RGS7BP: variants seen among roughly 807,000 people sequenced by gnomAD.
RGS7BP encodes the protein regulator of G protein signaling 7 binding protein, also known as regulator of G protein signaling 7-binding protein.
RGS7BP carries 9 observed loss-of-function variants against 31.3 expected under a neutral mutation model. The ratio of observed to expected loss-of-function variants is 0.29; its 90% CI spans 0.17 to 0.50. RGS7BP has a LOEUF of 0.50. Among genes scored for constraint, RGS7BP ranks in the 20% least tolerant of loss-of-function variants. RGS7BP has a pLI of 0.98. For missense variants in RGS7BP, 274 were observed against 322.0 expected, an observed-to-expected ratio of 0.85 and a Z score of 1.14; for synonymous variants, 115 against 120.1, an observed-to-expected ratio of 0.96 and a Z score of 0.28.
At chr5:64,589,149 T>A (rs1026477439) in intron 3 of RGS7BP, among the ~76,000 whole-genome samples, 4 of 151,680 alleles carry the variant, frequency 2.6e-5, no homozygotes, top group African/African-American at 9.7e-5. Context: ...ACAAAAAAAA[T>A]TCCGGGCATG....
chr5:64,590,243 A>C (rs1742876504), intron 3 of RGS7BP, among the ~76,000 whole-genome samples: 4 of 152,106 alleles, frequency 2.6e-5, no homozygotes, highest in African/African-American at 9.7e-5. Flanking sequence ...AGGGAGAGAG[A>C]GAGAGAGAGA....
chr5:64,516,445 C>T (rs527737913), intron 2 of RGS7BP, among the ~76,000 whole-genome samples: 4 of 152,276 alleles, frequency 2.6e-5, no homozygotes, highest in South Asian at 2.1e-4. Context: ...TGTTGTAGTA[C>T]GTCCTAATCG....
intron 3 of RGS7BP, among the ~76,000 whole-genome samples, chr5:64,579,318 G>A (rs1316865489): frequency 1.3e-5 from 2 of 152,026 alleles, no homozygotes; most frequent in Non-Finnish European, 2.9e-5. Context: ...GGCTGAGGTG[G>A]GCGGATCACG....
intron 2 of RGS7BP, among the ~76,000 whole-genome samples, chr5:64,559,731 C>T (rs1470431901): frequency 6.6e-6 from 1 of 152,008 alleles, no homozygotes; most frequent in Non-Finnish European, 1.5e-5. Flanking sequence ...ACAAGCTTTA[C>T]CGATGCAGTA....
intron 5 of RGS7BP, among the ~76,000 whole-genome samples, chr5:64,605,695 A>T (rs1055562694): frequency 2.6e-5 from 4 of 152,000 alleles, no homozygotes; most frequent in South Asian, 4.2e-4. Flanking sequence ...AGCTCTAAGC[A>T]AGGCAAAGGT....
At chr5:64,552,128 A>G (rs1465438915) in intron 2 of RGS7BP, among the ~76,000 whole-genome samples, 1 of 152,196 alleles carries the variant, frequency 6.6e-6, no homozygotes, top group Non-Finnish European at 1.5e-5. Context: ...TTTAAAGTGT[A>G]TTCAACACTC....
intron 2 of RGS7BP, among the ~76,000 whole-genome samples, chr5:64,519,800 T>C (rs1440303139): frequency 6.6e-6 from 1 of 152,208 alleles, no homozygotes; most frequent in African/African-American, 2.4e-5. Context: ...GATACTGTTT[T>C]TAAAGGCTGG....
rs1749090861 is a variant in RGS7BP at position 64,520,877 on chromosome 5, A to G, written c.332+13000A>G. 2.0e-5 allele frequency among the ~76,000 whole-genome samples: 3 copies of G among 152,240 alleles called. No homozygotes were observed. In the South Asian group the frequency reaches 6.2e-4, roughly 32 times the overall value. On this transcript the variant is annotated intron_variant, in intron 2 of 5. Transcript: ENST00000334025. ...GGGGTGACAGGGACACTCCTAAGGA[A>G]GTAACATTGAGGCTGGGAGAAAAGA...
At chr5:64,548,329 T>C (rs751770963) in intron 2 of RGS7BP, among the ~76,000 whole-genome samples, 1 of 152,186 alleles carries the variant, frequency 6.6e-6, no homozygotes, top group Non-Finnish European at 1.5e-5. Flanking sequence ...CACATATTTA[T>C]ACAATTGAGT....
intron 5 of RGS7BP, chr5:64,601,550 A>AT: frequency 2.1e-6 from 1 of 477,756 alleles, no homozygotes; most frequent in Non-Finnish European, 2.7e-6. Context: ...TTAAGACTGG[A>AT]GGCCAAGAGA....
At chr5:64,522,299 A>G (rs190705115) in intron 2 of RGS7BP, among the ~76,000 whole-genome samples, 289 of 152,320 alleles carry the variant, frequency 1.9e-3, no homozygotes, top group African/African-American at 6.6e-3. Flanking sequence ...AGATGGCCAA[A>G]GACCCCAGTT....
intron 2 of RGS7BP, among the ~76,000 whole-genome samples, chr5:64,527,411 G>A (rs932770286): frequency 6.6e-6 from 1 of 152,122 alleles, no homozygotes; most frequent in Non-Finnish European, 1.5e-5. Context: ...CTGCAGTAGG[G>A]ATTGAGAACT....
At chr5:64,602,730 A>T (rs76573411) in intron 5 of RGS7BP, among the ~76,000 whole-genome samples, 5,845 of 152,232 alleles carry the variant, frequency 0.038, 157 homozygotes, top group Non-Finnish European at 0.06. Context: ...ACACACACAC[A>T]ATCGGAAAGA....
In RGS7BP at chr5:64,507,843, C is replaced by G. The variant is rs1388089169; in HGVS notation, c.298C>G (p.Arg100Gly). Residue 100 changes from arginine (R) to glycine (G), a missense_variant, in exon 2 of 6, where the codon CGT becomes GGT. Around this residue, in one of 3 missense-constraint regions of RGS7BP, gnomAD observed 149 missense variants for 152.6 expected, o/e 0.98. Coordinates refer to ENST00000334025, the MANE Select transcript of RGS7BP (RefSeq NM_001029875.3). ...KTRTKGCEMA[R>G]QAHQKLAAIS... ...AAGAACCAAAGGCTGTGAAATGGCC[C>G]GTCAGGCACACCAAAAATTGGCTGC... The G allele has an allele frequency of 1.2e-6, 2 of 1,613,630 alleles. No individual in the cohort carries two copies. The highest frequency in any genetic ancestry group is 2.2e-5 in the East Asian group (1 of 44,870).
chr5:64,507,609 T>A (rs1748730029), intron 1 of RGS7BP, 102 bp from the exon 2 acceptor site: 2 of 1,042,280 alleles, frequency 1.9e-6, no homozygotes, highest in South Asian at 3.7e-5. Flanking sequence ...TCTGGGGAGC[T>A]GACTCAGGGG....
intron 4 of RGS7BP, 121 bp downstream of exon 4, chr5:64,594,978 G>C: frequency 9.5e-7 from 1 of 1,050,622 alleles, no homozygotes; most frequent in Non-Finnish European, 1.4e-6. Flanking sequence ...TGGTATGCCA[G>C]AGGAGCATAG....
intron 2 of RGS7BP, among the ~76,000 whole-genome samples, chr5:64,521,059 T>C (rs1225492721): frequency 6.6e-6 from 1 of 152,180 alleles, no homozygotes; most frequent in Non-Finnish European, 1.5e-5. Context: ...ATTATCTAAA[T>C]TGCCTCCCTC....
At position 64,524,004 on chromosome 5, in the gene RGS7BP, C is replaced by T. The variant is rs142493263; in HGVS notation, c.332+16127C>T. On this transcript the variant is annotated intron_variant, in intron 2 of 5. Transcript: ENST00000334025. ...GTCCACATGCATGCTAAATACTGGG[C>T]ATACATATTTAACTTTACCTAAGTG... Among the ~76,000 whole-genome samples the T allele has an allele frequency of 8.0e-3, 1,218 of 152,198 alleles. 17 individuals carry two copies. Among genetic ancestry groups the T allele is most frequent in the African/African-American group, 0.027 (1,101 of 41,528 alleles).
chr5:64,586,280 T>A (rs559692856), intron 3 of RGS7BP, among the ~76,000 whole-genome samples: 2 of 152,050 alleles, frequency 1.3e-5, no homozygotes, highest in South Asian at 4.2e-4. Context: ...CCTGAAAACC[T>A]CTCCAGTCTC....
Sources: allele counts gnomAD v4.1 joint callset (sites outside exome capture counted in the v4.1 genomes callset), GRCh38; gene constraint gnomAD v4.1.1; regional missense constraint gnomAD v4.1.1; transcripts MANE v1.5; gene names NCBI Gene and HGNC (gene_info 2026-07-23, HGNC 2026-07-21).